Variants in TJP1 observed in about 807,000 individuals in gnomAD.
The protein encoded by TJP1 is tight junction protein ZO-1.
In TJP1, 43 loss-of-function variants were observed where a neutral mutation model predicts 194.2. That is an observed-to-expected ratio of 0.22 (90% confidence interval 0.17 to 0.29). The LOEUF (loss-of-function observed/expected upper bound fraction) is 0.29. Among genes scored for constraint, TJP1 ranks in the 10% least tolerant of loss-of-function variants. TJP1 has a pLI of 1.00. For synonymous variants in TJP1, 801 were observed against 779.0 expected (o/e 1.03, Z -0.47); for missense variants, 1,971 against 2,185.7 (o/e 0.90, Z 1.96).
At chr15:29,723,562 C>A (rs575268175) in intron 18 of TJP1, among the ~76,000 whole-genome samples, 6 of 152,304 alleles carry the variant, frequency 3.9e-5, no homozygotes, top group African/African-American at 1.4e-4. Context: ...TTCTTTACAG[C>A]AGTTCAAGAG....
intron 2 of TJP1, 89 bp from the exon 3 acceptor site, chr15:29,773,446 A>G (rs1032039249): frequency 1.5e-6 from 2 of 1,294,236 alleles, no homozygotes; most frequent in Admixed American, 4.0e-5. Context: ...CCAAAATATA[A>G]AAATTACAAT....
At chr15:29,796,961 T>C (rs966306345) in intron 2 of TJP1, among the ~76,000 whole-genome samples, 4 of 38,096 alleles carry the variant, frequency 1.0e-4, no homozygotes, top group Non-Finnish European at 3.4e-4. Context: ...TGGACATCTG[T>C]ATGAAAAAAA....
intron 1 of TJP1, among the ~76,000 whole-genome samples, chr15:29,959,855 C>A (rs2056091009): frequency 6.6e-6 from 1 of 152,124 alleles, no homozygotes; most frequent in Admixed American, 6.6e-5. Context: ...TTTACTGATG[C>A]CACTTTCATG....
intron 1 of TJP1, among the ~76,000 whole-genome samples, chr15:29,820,895 A>T (rs1049287388): frequency 3.9e-5 from 6 of 152,228 alleles, no homozygotes; most frequent in Admixed American, 6.5e-5. Flanking sequence ...AGCTTCTCCC[A>T]GCCAGCAAAC....
chr15:29,746,969 T>C (rs983091453), intron 8 of TJP1, among the ~76,000 whole-genome samples: 4 of 150,342 alleles, frequency 2.7e-5, no homozygotes, highest in Non-Finnish European at 5.9e-5. Flanking sequence ...TACTTTTAAA[T>C]TGGAAAAGAT....
At chr15:29,908,982 G>A (rs1046000651) in intron 2 of TJP1, among the ~76,000 whole-genome samples, 1 of 151,800 alleles carries the variant, frequency 6.6e-6, no homozygotes, top group Non-Finnish European at 1.5e-5. Flanking sequence ...GTGAAACCCC[G>A]TCTCTACCAA....
chr15:29,934,570 C>T (rs1458451278), intron 2 of TJP1, among the ~76,000 whole-genome samples: 1 of 152,184 alleles, frequency 6.6e-6, no homozygotes, highest in Non-Finnish European at 1.5e-5. Flanking sequence ...AGTTAAAACA[C>T]TAATGTAGAC....
At chr15:29,771,528 G>A (rs117686201) in intron 4 of TJP1, among the ~76,000 whole-genome samples, 6,706 of 152,232 alleles carry the variant, frequency 0.044, 168 homozygotes, top group South Asian at 0.075. Context: ...CTATTTGGCC[G>A]GGCGTGGTGG....
chr15:29,953,390 C>T (rs1244523523), intron 2 of TJP1, among the ~76,000 whole-genome samples: 1 of 152,082 alleles, frequency 6.6e-6, no homozygotes, highest in Non-Finnish European at 1.5e-5. Flanking sequence ...GATCCACCCA[C>T]CTTGGCCTCC....
intron 2 of TJP1, among the ~76,000 whole-genome samples, chr15:29,862,673 A>AGTCTC (rs2052129387): frequency 7.5e-6 from 1 of 133,810 alleles, no homozygotes; most frequent in Non-Finnish European, 1.5e-5. Flanking sequence ...TTTGAGACAG[A>AGTCTC]GTCTCGCTCT....
chr15:29,748,957 C>CGTGTGAGTGT (rs1555402347), intron 8 of TJP1, among the ~76,000 whole-genome samples: 1 of 48,754 alleles, frequency 2.1e-5, no homozygotes, highest in Non-Finnish European at 5.1e-5. Context: ...TGTGTGTGCG[C>CGTGTGAGTGT]GTGTGTGCGC....
intron 2 of TJP1, among the ~76,000 whole-genome samples, chr15:29,903,381 T>C (rs573934530): frequency 1.8e-4 from 27 of 152,274 alleles, no homozygotes; most frequent in African/African-American, 6.3e-4. Context: ...TGGGTAAAAA[T>C]TAAAGCCCAA....
At chr15:29,779,694 T>A (rs2047232362) in intron 2 of TJP1, among the ~76,000 whole-genome samples, 1 of 152,188 alleles carries the variant, frequency 6.6e-6, no homozygotes, top group South Asian at 2.1e-4. Flanking sequence ...ACTCTTTTTT[T>A]AAACTAGCCC....
chr15:29,718,558 T>C lies in TJP1; in HGVS notation c.3584A>G (p.Tyr1195Cys). Residue 1195 changes from tyrosine (Y) to cysteine (C), a missense_variant, in exon 21 of 28, where the codon TAT becomes TGT. This residue lies in a region of TJP1 where 1,108 missense variants were observed against 1,128.5 expected (regional missense o/e 0.98). Transcript: ENST00000614355. ...PAESKQYFEQ[Y>C]SRSYEQVPPQ... is the part of the protein sequence containing the mutation. Reference sequence around the variant, plus strand: ...TGGTACTTGCTCGTAACTGCGTGAATATTGCTCAAAATACTGCTTGGACTC... The same window carrying C: ...TGGTACTTGCTCGTAACTGCGTGAACATTGCTCAAAATACTGCTTGGACTC... The C allele has an allele frequency of 6.2e-7, 1 of 1,614,130 alleles. No homozygotes were observed. Among genetic ancestry groups the C allele is most frequent in the Non-Finnish European group, 8.5e-7 (1 of 1,180,034 alleles).
intron 2 of TJP1, among the ~76,000 whole-genome samples, chr15:29,852,093 G>C (rs1390952425): frequency 6.6e-6 from 1 of 152,046 alleles, no homozygotes; most frequent in Non-Finnish European, 1.5e-5. Flanking sequence ...GACACTAAAA[G>C]GACAGTTCCC....
intron 2 of TJP1, among the ~76,000 whole-genome samples, chr15:29,838,992 CTTTTTT>C (rs760557407): frequency 1.2e-5 from 1 of 83,442 alleles, no homozygotes; most frequent in African/African-American, 5.0e-5. Flanking sequence ...AAAAATTCAC[CTTTTTT>C]TTTTTTTTTT....
rs752675170 is a variant in TJP1 at position 29,742,772 on chromosome 15, A to G, written c.1020T>C (p.Ser340=). ...GTTTAGAAATTCTCTCTTCATCTCT[A>G]CTCCGGAGACTGTGTGTCATTAAAA... ...PQQPSNGSLR[S]RDEERISKPG... is the part of the protein sequence containing the mutation. Residue 340 remains serine, a synonymous_variant, in exon 9 of 28, where the codon AGT becomes AGC. Transcript: ENST00000614355. 3 of 1,587,242 alleles carry G rather than the reference A, an allele frequency of 1.9e-6. No homozygotes were observed. Among genetic ancestry groups the G allele is most frequent in the Non-Finnish European group, 2.6e-6 (3 of 1,170,512 alleles).
At chr15:29,742,581 C>A in intron 9 of TJP1, 61 bp downstream of exon 9, 1 of 1,443,250 alleles carries the variant, frequency 6.9e-7, no homozygotes, top group Non-Finnish European at 9.2e-7. Flanking sequence ...TCTGTAAATC[C>A]TAACAATTAC....
chr15:29,740,158 G>A (rs1204324978), intron 10 of TJP1, among the ~76,000 whole-genome samples: 1 of 151,750 alleles, frequency 6.6e-6, no homozygotes, highest in African/African-American at 2.4e-5. Flanking sequence ...TGTATTTTTA[G>A]TAGAGATGGG....
Sources: gnomAD v4.1 joint callset for allele counts (sites outside exome capture counted in the v4.1 genomes callset) on GRCh38, gnomAD v4.1.1 for gene constraint, gnomAD v4.1.1 regional missense constraint, MANE v1.5 for transcripts, NCBI Gene and HGNC (gene_info 2026-07-23, HGNC 2026-07-21) for gene names.